The following TAFA5 variants were observed in gnomAD, a reference collection of about 807,000 sequenced individuals.
The protein encoded by TAFA5 is TAFA chemokine like family member 5, also known as chemokine-like protein TAFA-5.
TAFA5 carries 6 observed loss-of-function variants against 15.3 expected under a neutral mutation model. That is an observed-to-expected ratio of 0.39 (90% CI 0.21 to 0.77). TAFA5 has a LOEUF of 0.77. TAFA5 is among the 30% of genes least tolerant of loss of function. TAFA5 has a pLI of 0.41. For missense variants in TAFA5, 161 were observed against 193.1 expected (o/e 0.83, Z 0.98); for synonymous variants, 103 against 80.7 (o/e 1.28, Z -1.48).
At chr22:48,532,362 G>A (rs971370004) in intron 1 of TAFA5, among the ~76,000 whole-genome samples, 2 of 152,192 alleles carry the variant, frequency 1.3e-5, no homozygotes, top group Non-Finnish European at 2.9e-5. Flanking sequence ...GGATCTTTCC[G>A]GTGAGGAGTA....
rs117269792 is a variant in TAFA5 at position 48,602,918 on chromosome 22, C to T, written c.113-43679C>T. Among the ~76,000 whole-genome samples the T allele has an allele frequency of 1.6e-4, 24 of 152,266 alleles. No homozygotes were observed. In the East Asian group the frequency reaches 2.7e-3, roughly 17 times the overall value. On this transcript the variant is annotated intron_variant, in intron 1 of 3. Transcript: ENST00000402357. Reference sequence around the variant, plus strand: ...AGGAGCCTCTGCCGATCTATGAGGCCGATGCCCCTGAGGCCGAGAGGCCCA... The same window carrying T: ...AGGAGCCTCTGCCGATCTATGAGGCTGATGCCCCTGAGGCCGAGAGGCCCA...
intron 1 of TAFA5, among the ~76,000 whole-genome samples, chr22:48,637,919 C>G (rs1175471270): frequency 6.6e-6 from 1 of 152,146 alleles, no homozygotes; most frequent in Non-Finnish European, 1.5e-5. Flanking sequence ...GAGCCGAGCA[C>G]AGATTTGGGA....
intron 1 of TAFA5, among the ~76,000 whole-genome samples, chr22:48,607,905 C>T (rs750802364): frequency 6.6e-6 from 1 of 152,194 alleles, no homozygotes; most frequent in South Asian, 2.1e-4. Context: ...AGTGAGGGAG[C>T]TATGACTTGT....
At chr22:48,699,234 A>T (rs1273960814) in intron 2 of TAFA5, among the ~76,000 whole-genome samples, 2 of 152,096 alleles carry the variant, frequency 1.3e-5, no homozygotes. Context: ...TGCCCTGCTG[A>T]CAACGCCTTT....
chr22:48,707,692 A>G (rs781147479), intron 2 of TAFA5, 25 bp from the exon 3 acceptor site: 1 of 1,612,812 alleles, frequency 6.2e-7, no homozygotes, highest in South Asian at 1.1e-5. Flanking sequence ...TAGCACGCTG[A>G]TTGCCTCTCT....
chr22:48,549,301 A>G (rs892938223), intron 1 of TAFA5, among the ~76,000 whole-genome samples: 1 of 152,218 alleles, frequency 6.6e-6, no homozygotes, highest in South Asian at 2.1e-4. Flanking sequence ...AGCGTGTTTG[A>G]ATTACCTGGA....
At chr22:48,605,584 A>G (rs1925164550) in intron 1 of TAFA5, among the ~76,000 whole-genome samples, 1 of 152,150 alleles carries the variant, frequency 6.6e-6, no homozygotes, top group South Asian at 2.1e-4. Context: ...TAATCCTAAC[A>G]GCCTAACTAG....
In TAFA5 at chr22:48,665,836, C is replaced by T. The variant is rs566767253; in HGVS notation, c.262+19090C>T. Among the ~76,000 whole-genome samples the T allele has an allele frequency of 1.3e-3, 203 of 152,142 alleles. 2 individuals are homozygous for T. The highest frequency in any genetic ancestry group is 2.5e-3 in the Non-Finnish European group (173 of 68,030). On this transcript the variant is annotated intron_variant, in intron 2 of 3. Transcript: ENST00000402357. The stretch of plus-strand genomic sequence containing the variant: ...GCAGGCGCCCTCCCGAGAACGCTAA[C>T]GAACCAGGGCCCTCTCTGTTTTCCT...
intron 1 of TAFA5, among the ~76,000 whole-genome samples, chr22:48,622,192 G>T (rs1315363878): frequency 1.3e-5 from 2 of 152,132 alleles, no homozygotes; most frequent in African/African-American, 4.8e-5. Flanking sequence ...GTGGTATTCA[G>T]GGTCAGAAGC....
rs80164563 is a variant in TAFA5 at position 48,664,752 on chromosome 22, C to T, written c.262+18006C>T. Among the ~76,000 whole-genome samples, 382 of 152,224 alleles carry T rather than the reference C, an allele frequency of 2.5e-3. 10 individuals are homozygous for T. The East Asian group carries it at 0.058, about 23-fold the overall frequency. On this transcript the variant is annotated intron_variant, in intron 2 of 3. Coordinates refer to ENST00000402357, the MANE Select transcript of TAFA5 (RefSeq NM_001082967.3). ...TTTCCCTCGTTACGTCTGTGAGAGC[C>T]GCCCGTGCTGTCATGTGTGGTGACA...
intron 1 of TAFA5, among the ~76,000 whole-genome samples, chr22:48,565,689 C>T (rs765042328): frequency 6.6e-5 from 10 of 152,246 alleles, no homozygotes; most frequent in Non-Finnish European, 1.3e-4. Flanking sequence ...CTTGCACCCA[C>T]CGCAGCCCTG....
At chr22:48,571,550 G>T (rs560271857) in intron 1 of TAFA5, among the ~76,000 whole-genome samples, 162 of 139,022 alleles carry the variant, frequency 1.2e-3, no homozygotes, top group African/African-American at 4.2e-3. Context: ...TGGGATTACA[G>T]GCATGAGCCA....
At chr22:48,610,675 G>A (rs533337887) in intron 1 of TAFA5, among the ~76,000 whole-genome samples, 87 of 152,294 alleles carry the variant, frequency 5.7e-4, no homozygotes, top group South Asian at 1.0e-3. Context: ...GCGTTGGGCC[G>A]TGTGATTTCT....
rs115355346 is a variant in TAFA5, at chr22:48,726,360, G to C, written c.390+18516G>C. Among the ~76,000 whole-genome samples the C allele has an allele frequency of 6.0e-3, 912 of 152,284 alleles. 7 individuals carry two copies. The highest frequency in any genetic ancestry group is 0.021 in the African/African-American group (872 of 41,514). On this transcript the variant is annotated intron_variant, in intron 3 of 3. Transcript: ENST00000402357. ...AGCAAATGAGACCTGGAGGTGGGGG[G>C]CACTTACATACAGGGTAGAGAGGCT...
intron 1 of TAFA5, among the ~76,000 whole-genome samples, chr22:48,595,740 T>C (rs543965241): frequency 6.6e-6 from 1 of 152,372 alleles, no homozygotes; most frequent in East Asian, 1.9e-4. Context: ...TTAATTCGTG[T>C]CTACACAGGG....
chr22:48,692,816 C>T (rs542265774), intron 2 of TAFA5, among the ~76,000 whole-genome samples: 6 of 152,296 alleles, frequency 3.9e-5, no homozygotes, highest in East Asian at 1.9e-4. Flanking sequence ...GGGAAGCAGC[C>T]GTGTGTCCTC....
At chr22:48,532,269 C>G (rs138382665) in intron 1 of TAFA5, among the ~76,000 whole-genome samples, 1 of 152,348 alleles carries the variant, frequency 6.6e-6, no homozygotes, top group Non-Finnish European at 1.5e-5. Context: ...TAGGAGATTA[C>G]GGAGGCCGCA....
intron 3 of TAFA5, among the ~76,000 whole-genome samples, chr22:48,726,887 G>A (rs1035662785): frequency 2.6e-5 from 4 of 152,158 alleles, no homozygotes; most frequent in South Asian, 2.1e-4. Context: ...TCCATAGGAC[G>A]GGCTGGGGGC....
At chr22:48,517,415 C>T (rs569026054) in intron 1 of TAFA5, among the ~76,000 whole-genome samples, 24 of 152,298 alleles carry the variant, frequency 1.6e-4, no homozygotes, top group African/African-American at 5.1e-4. Context: ...CCCTGACCCC[C>T]ACCACCTCCT....
Sources: allele counts gnomAD v4.1 joint callset (sites outside exome capture counted in the v4.1 genomes callset), GRCh38; gene constraint gnomAD v4.1.1; transcripts MANE v1.5; gene names NCBI Gene and HGNC (gene_info 2026-07-23, HGNC 2026-07-21).